OAS2: variants seen among roughly 807,000 people sequenced by gnomAD.
OAS2 encodes 2'-5'-oligoadenylate synthetase 2, also known as 2'-5'-oligoadenylate synthase 2.
In OAS2, 67 loss-of-function variants were observed where a neutral mutation model predicts 71.3. The observed-to-expected ratio is 0.94, with a 90% CI of 0.77 to 1.15. The LOEUF is 1.15. OAS2 is among the 50% of genes most tolerant of loss of function. OAS2 has a pLI of 0.00. For missense variants in OAS2, 789 were observed against 822.5 expected, an observed-to-expected ratio of 0.96 and a Z score of 0.50; for synonymous variants, 327 against 321.8, an observed-to-expected ratio of 1.02 and a Z score of -0.17.
chr12:112,988,799 C>T, intron 2 of OAS2: 1 of 885,616 alleles, frequency 1.1e-6, no homozygotes, highest in Non-Finnish European at 1.4e-6. Context: ...TTGCTTCTTT[C>T]ACCATACTCT....
Position 113,009,207 on chromosome 12 carries a change from G to A in OAS2, c.2016G>A (p.Gly672=). ...EWLSSPCFKD[G]TGNPIPPWKV... ...TATCCTCTCCCTGCTTCAAGGATGG[G>A]ACTGGAAACCCAATACCACCTTGGA... The change falls in exon 10 of 10, where the codon GGG becomes GGA. Residue 672 remains glycine (G), a synonymous_variant. Coordinates refer to ENST00000392583, the MANE Select transcript of OAS2 (RefSeq NM_002535.3). The A allele has an allele frequency of 6.2e-7, 1 of 1,614,096 alleles. No individual in the cohort carries two copies. The highest frequency in any genetic ancestry group is 8.5e-7 in the Non-Finnish European group (1 of 1,180,010).
intron 3 of OAS2, 40 bp downstream of exon 3, chr12:112,995,514 C>T (rs1393724251): frequency 6.4e-7 from 1 of 1,554,418 alleles, no homozygotes; most frequent in Non-Finnish European, 8.8e-7. Flanking sequence ...TCATTCATTT[C>T]CTTTTTATCG....
Position 113,003,067 on chromosome 12 carries a change from T to C in OAS2, c.1144T>C (p.Phe382Leu). Residue 382 changes from phenylalanine to leucine, a missense_variant, in exon 6 of 10, where the codon TTC becomes CTC. Coordinates refer to ENST00000392583, the MANE Select transcript of OAS2 (RefSeq NM_002535.3). Reference protein sequence around the residue: ...IIRTFLKENCFRQSTAKIQIV... With the variant: ...IIRTFLKENCLRQSTAKIQIV... ...CCGTACATTCCTTAAAGAAAACTGC[T>C]TCCGACAATCAACAGCCAAGATCCA... 6.2e-7 allele frequency: 1 copy of C among 1,614,174 alleles called. No individual in the cohort carries two copies. The highest frequency in any genetic ancestry group is 8.5e-7 in the Non-Finnish European group (1 of 1,180,014).
chr12:113,005,395 T>G (rs561207651), intron 7 of OAS2, among the ~76,000 whole-genome samples, 173 bp downstream of exon 7: 79 of 152,144 alleles, frequency 5.2e-4, no homozygotes, highest in African/African-American at 1.6e-3. Context: ...TTTGGTCCCA[T>G]TTCTCTTTTC....
intron 5 of OAS2, 128 bp from the exon 6 acceptor site, chr12:113,002,804 A>G: frequency 2.6e-6 from 2 of 767,524 alleles, no homozygotes. Flanking sequence ...AAGACGGAAA[A>G]GATGCCAGCC....
intron 2 of OAS2, chr12:112,987,813 G>A (rs1036634295): frequency 3.3e-5 from 33 of 988,790 alleles, no homozygotes; most frequent in Non-Finnish European, 3.1e-5. Flanking sequence ...TCAAGGCAAC[G>A]ACCTTCCATA....
In OAS2 at chr12:113,010,717, T is replaced by C; in HGVS notation, c.*1462T>C. The C allele has an allele frequency of 2.7e-6, 1 of 367,550 alleles. No homozygotes were observed. The highest frequency in any genetic ancestry group is 4.6e-6 in the Non-Finnish European group (1 of 217,450). The allele number at this position is 367,550 out of a possible 1,614,324, so 22.8% of individuals were successfully genotyped here. A position where few individuals can be genotyped will look rare whatever the true frequency, so the allele number is the denominator to read the frequency against. ...CCACTTTATGTGCATCTTATTTCTG[T>C]CAACTTGTATTTTTTTTCTTGTATT... On this transcript the variant is annotated 3_prime_UTR_variant, in exon 10 of 10. Transcript: ENST00000392583.
At chr12:113,000,379 T>C (rs1228993032) in intron 5 of OAS2, among the ~76,000 whole-genome samples, 2 of 152,204 alleles carry the variant, frequency 1.3e-5, no homozygotes, top group Admixed American at 1.3e-4. Flanking sequence ...ACTTCTATTT[T>C]GAGAACTGTG....
chr12:112,987,012 C>G (rs962184576), intron 1 of OAS2, 26 bp from the exon 2 acceptor site: 5 of 1,591,360 alleles, frequency 3.1e-6, no homozygotes, highest in East Asian at 4.5e-5. Flanking sequence ...TCTAGTGTCT[C>G]ATATCTGCTT....
chr12:113,003,687 A>G (rs548845473), intron 6 of OAS2, among the ~76,000 whole-genome samples: 60 of 152,268 alleles, frequency 3.9e-4, no homozygotes, highest in Non-Finnish European at 7.1e-4. Flanking sequence ...GGCTTTTGTC[A>G]TTCTTGTCCG....
At position 113,005,940 on chromosome 12, in the gene OAS2, A is replaced by C. The variant is rs1307132732; in HGVS notation, c.1469-473A>C. Among the ~76,000 whole-genome samples the C allele has an allele frequency of 1.7e-4, 26 of 148,748 alleles. 1 individual carries two copies. The highest frequency in any genetic ancestry group is 4.2e-4 in the South Asian group (2 of 4,756). On this transcript the variant is annotated intron_variant, in intron 7 of 9. Transcript: ENST00000392583. ...CAACAAAAAAAAAAAAAAAAAAAAA[A>C]AAAAAAAAAAACAAGAAGCAGCGCA...
chr12:112,987,615 A>G, intron 2 of OAS2: 1 of 1,228,860 alleles, frequency 8.1e-7, no homozygotes, highest in South Asian at 3.5e-5. Flanking sequence ...ATCCTGACTC[A>G]GGAGGTCTGA....
At chr12:112,982,538 G>A (rs900337409) in intron 1 of OAS2, among the ~76,000 whole-genome samples, 1 of 152,046 alleles carries the variant, frequency 6.6e-6, no homozygotes, top group African/African-American at 2.4e-5. Flanking sequence ...ACTTGATCAT[G>A]TGTTATCTTT....
chr12:113,000,520 G>GCA (rs1287346753), intron 5 of OAS2, among the ~76,000 whole-genome samples: 5 of 103,330 alleles, frequency 4.8e-5, no homozygotes, highest in African/African-American at 9.0e-5. Flanking sequence ...ACACAAACAT[G>GCA]CACACACACA....
At chr12:112,996,558 T>C (rs928447582) in intron 3 of OAS2, among the ~76,000 whole-genome samples, 1 of 151,878 alleles carries the variant, frequency 6.6e-6, no homozygotes, top group African/African-American at 2.4e-5. Flanking sequence ...AAACAGACTT[T>C]GGGATTGCAG....
chr12:113,010,189 G>T lies in OAS2; in HGVS notation c.*934G>T. The T allele has an allele frequency of 7.4e-7, 1 of 1,350,778 alleles. No homozygotes were observed. Among genetic ancestry groups the T allele is most frequent in the East Asian group, 3.0e-5 (1 of 33,502 alleles). The allele number at this position is 1,350,778 out of a possible 1,614,324, so 83.7% of individuals were successfully genotyped here. On this transcript the variant is annotated 3_prime_UTR_variant, in exon 10 of 10. Transcript: ENST00000392583. Reference sequence around the variant, plus strand: ...CCTGGGGGGAATGTAGGGAAGAGGTGGCCAAGCCAACCGTGGGGTTAGCTC... The same window carrying T: ...CCTGGGGGGAATGTAGGGAAGAGGTTGCCAAGCCAACCGTGGGGTTAGCTC...
Position 113,009,483 on chromosome 12 carries a change from T to A in OAS2, c.*228T>A. The A allele has an allele frequency of 7.9e-7, 1 of 1,264,740 alleles. No individual in the cohort carries two copies. The highest frequency in any genetic ancestry group is 1.0e-6 in the Non-Finnish European group (1 of 1,004,318). The allele number at this position is 1,264,740 out of a possible 1,614,324, so 78.3% of individuals were successfully genotyped here. A position where few individuals can be genotyped will look rare whatever the true frequency, so the allele number is the denominator to read the frequency against. On this transcript the variant is annotated 3_prime_UTR_variant, in exon 10 of 10. Coordinates refer to ENST00000392583, the MANE Select transcript of OAS2 (RefSeq NM_002535.3). ...GCATCCCTAGTCTCTACCCAGTAGA[T>A]GCCACTAGCCCTCCTCTCCCAGTGA... is the stretch of plus-strand genomic sequence containing the variant.
At chr12:113,007,433 C>A (rs1432443211) in intron 8 of OAS2, among the ~76,000 whole-genome samples, 1 of 152,180 alleles carries the variant, frequency 6.6e-6, no homozygotes, top group African/African-American at 2.4e-5. Context: ...GGGTAAATGC[C>A]TGGGCCCATA....
At chr12:112,985,320 C>T (rs531449077) in intron 1 of OAS2, among the ~76,000 whole-genome samples, 1 of 152,192 alleles carries the variant, frequency 6.6e-6, no homozygotes, top group East Asian at 1.9e-4. Context: ...CAATATGGCA[C>T]ATAGGCTTTC....
Sources: gnomAD v4.1 joint callset for allele counts (sites outside exome capture counted in the v4.1 genomes callset) on GRCh38, gnomAD v4.1.1 for gene constraint, MANE v1.5 for transcripts, NCBI Gene and HGNC (gene_info 2026-07-23, HGNC 2026-07-21) for gene names.